SLC38A1: variants seen among roughly 807,000 people sequenced by gnomAD.
SLC38A1 encodes the protein sodium-coupled neutral amino acid symporter 1.
Under a neutral mutation model 60.3 loss-of-function variants are expected in SLC38A1, and 18 were observed. The ratio of observed to expected loss-of-function variants is 0.30; its 90% CI spans 0.21 to 0.44. SLC38A1 has a LOEUF of 0.44. SLC38A1 is among the 20% of genes least tolerant of loss of function. The probability of loss-of-function intolerance (pLI) is 1.00; values close to 1 mark genes in which losing one functional copy is unlikely to be tolerated. For missense variants in SLC38A1, 448 were observed against 587.2 expected (o/e 0.76, Z 2.45); for synonymous variants, 196 against 212.1 (o/e 0.92, Z 0.66).
intron 1 of SLC38A1, among the ~76,000 whole-genome samples, chr12:46,254,460 T>C (rs1292266607): frequency 6.6e-6 from 1 of 152,258 alleles, no homozygotes. Context: ...AGAATAATTA[T>C]TTTTCACATA....
At chr12:46,248,200 G>A (rs1314922757) in intron 1 of SLC38A1, among the ~76,000 whole-genome samples, 1 of 152,150 alleles carries the variant, frequency 6.6e-6, no homozygotes. Flanking sequence ...AACCTTACAT[G>A]TAAATGGGCT....
At position 46,217,789 on chromosome 12, in the gene SLC38A1, T is replaced by C. The variant is rs189235155; in HGVS notation, c.315-8662A>G. 2.4e-4 allele frequency among the ~76,000 whole-genome samples: 36 copies of C among 152,256 alleles called. No homozygotes were observed. The East Asian group carries it at 6.0e-3, about 25-fold the overall frequency. On this transcript the variant is annotated intron_variant, in intron 5 of 16. Coordinates refer to ENST00000398637, the MANE Select transcript of SLC38A1 (RefSeq NM_030674.4). Reference sequence around the variant, plus strand: ...GTGATCATGTATAATGCTTACAAATTAGATTAGGGAATTAAACGGGTGGTT... The same window carrying C: ...GTGATCATGTATAATGCTTACAAATCAGATTAGGGAATTAAACGGGTGGTT...
intron 5 of SLC38A1, among the ~76,000 whole-genome samples, chr12:46,218,815 A>AAGT (rs201161808): frequency 0.011 from 1,720 of 152,102 alleles, 32 homozygotes; most frequent in African/African-American, 0.039. Flanking sequence ...ATGATTGGTT[A>AAGT]AGTTGGATAT....
intron 3 of SLC38A1, among the ~76,000 whole-genome samples, chr12:46,231,485 T>C (rs975123218): frequency 2.0e-5 from 3 of 152,196 alleles, no homozygotes; most frequent in Non-Finnish European, 4.4e-5. Flanking sequence ...GCTGCATATA[T>C]TAGTAAGATA....
chr12:46,259,093 T>TA (rs1208209599), intron 1 of SLC38A1, among the ~76,000 whole-genome samples: 11 of 152,224 alleles, frequency 7.2e-5, no homozygotes, highest in Admixed American at 2.6e-4. Flanking sequence ...TATATTAATT[T>TA]TCTTGACTCT....
intron 1 of SLC38A1, among the ~76,000 whole-genome samples, chr12:46,258,175 G>A (rs1326944206): frequency 6.6e-6 from 1 of 152,120 alleles, no homozygotes; most frequent in East Asian, 1.9e-4. Context: ...CTTCTTTACT[G>A]CAACCTGTTT....
At chr12:46,226,658 T>G (rs1940877512) in intron 5 of SLC38A1, among the ~76,000 whole-genome samples, 1 of 140,150 alleles carries the variant, frequency 7.1e-6, no homozygotes, top group African/African-American at 2.6e-5. Flanking sequence ...GGAATCTTGC[T>G]CTGTCCCCCA....
Position 46,204,314 on chromosome 12 carries a change from G to A in SLC38A1, c.809C>T (p.Thr270Ile), listed in dbSNP as rs1213923770. The part of the protein sequence containing the change: ...NADTCTPKYV[T>I]FNSKTVYALP... The stretch of plus-strand genomic sequence containing the variant: ...CAGGAAACTTACCTTTGAATTGAAG[G>A]TAACATATTTTGGCGTACACGTGTC... The change falls in exon 11 of 17, where the codon ACC (threonine) becomes ATC (isoleucine). Residue 270 changes from threonine to isoleucine, a missense_variant. Thr to Ile is a moderately conservative substitution (Grantham distance 89, BLOSUM62 -1). This residue lies in a region of SLC38A1 where 346 missense variants were observed against 497.5 expected (regional missense o/e 0.70). Transcript: ENST00000398637. 1 of 1,604,038 alleles carries A rather than the reference G, an allele frequency of 6.2e-7. No homozygotes were observed. Among genetic ancestry groups the A allele is most frequent in the Admixed American group, 1.7e-5 (1 of 59,990 alleles).
intron 3 of SLC38A1, 33 bp downstream of exon 3, chr12:46,239,646 A>G: frequency 1.9e-6 from 3 of 1,610,798 alleles, no homozygotes; most frequent in Non-Finnish European, 2.5e-6. Flanking sequence ...CATTTCTTTC[A>G]CTGGATAGAA....
At chr12:46,217,719 A>C (rs1940476804) in intron 5 of SLC38A1, among the ~76,000 whole-genome samples, 1 of 152,324 alleles carries the variant, frequency 6.6e-6, no homozygotes, top group South Asian at 2.1e-4. Context: ...TCAAATTTCA[A>C]AATTCTGAGG....
At chr12:46,197,159 T>C (rs980255143) in intron 16 of SLC38A1, among the ~76,000 whole-genome samples, 2 of 152,226 alleles carry the variant, frequency 1.3e-5, no homozygotes, top group Non-Finnish European at 2.9e-5. Flanking sequence ...TGACTGGCCA[T>C]GCCCTGGATC....
chr12:46,235,280 G>T lies in SLC38A1; in HGVS notation c.122+4399C>A, dbSNP rs545953890. Reference sequence around the variant, plus strand: ...AAGATAATCTTCCTATTTTAATCAGGTTCTTACTAGATTATACTGTTTCCT... The same window carrying T: ...AAGATAATCTTCCTATTTTAATCAGTTTCTTACTAGATTATACTGTTTCCT... On this transcript the variant is annotated intron_variant, in intron 3 of 16. Transcript: ENST00000398637. 2.6e-5 allele frequency among the ~76,000 whole-genome samples: 4 copies of T among 152,216 alleles called. No individual in the cohort carries two copies. The South Asian group carries it at 6.2e-4, about 24-fold the overall frequency.
chr12:46,205,339 G>A (rs1939846728), intron 9 of SLC38A1, among the ~76,000 whole-genome samples: 2 of 152,060 alleles, frequency 1.3e-5, no homozygotes, highest in South Asian at 4.1e-4. Context: ...CTACAGAGCT[G>A]TTTTGTTTTG....
chr12:46,214,826 A>G (rs1321189331), intron 5 of SLC38A1, among the ~76,000 whole-genome samples: 1 of 152,214 alleles, frequency 6.6e-6, no homozygotes, highest in Non-Finnish European at 1.5e-5. Context: ...GGGTGGAGGT[A>G]AAGCAGCCGT....
At chr12:46,199,306 TTTGTGTG>T (rs1592070417) in intron 13 of SLC38A1, among the ~76,000 whole-genome samples, 2 of 110,956 alleles carry the variant, frequency 1.8e-5, no homozygotes, top group East Asian at 5.2e-4. Context: ...TATGTACTAC[TTTGTGTG>T]TGTGTGTGTG....
intron 5 of SLC38A1, among the ~76,000 whole-genome samples, chr12:46,222,795 A>G (rs1427105635): frequency 6.6e-6 from 1 of 152,180 alleles, no homozygotes; most frequent in Non-Finnish European, 1.5e-5. Context: ...CCACATGACA[A>G]ATATGAAGCC....
At chr12:46,252,570 A>C (rs1254307052) in intron 1 of SLC38A1, among the ~76,000 whole-genome samples, 1 of 151,890 alleles carries the variant, frequency 6.6e-6, no homozygotes, top group Non-Finnish European at 1.5e-5. Flanking sequence ...TAATTACATG[A>C]ATGAATTAAT....
intron 16 of SLC38A1, among the ~76,000 whole-genome samples, chr12:46,190,747 T>A (rs1253244834): frequency 6.6e-6 from 1 of 152,230 alleles, no homozygotes; most frequent in Non-Finnish European, 1.5e-5. Flanking sequence ...TTGAGAAGTG[T>A]CTGTTCATAT....
In SLC38A1 at chr12:46,207,572, C is replaced by T; in HGVS notation, c.438G>A (p.Gly146=). ...AGGTGGCTCCAAAGATTACGAACTT[C>T]CCTGTGGTGCCAAAGACTTGTTCCC... ...KLGEQVFGTT[G]KFVIFGATSL... The change falls in exon 7 of 17, where the codon GGG becomes GGA. Residue 146 remains glycine, a synonymous_variant. Coordinates refer to ENST00000398637, the MANE Select transcript of SLC38A1 (RefSeq NM_030674.4). 2 of 1,614,024 alleles carry T rather than the reference C, an allele frequency of 1.2e-6. No homozygotes were observed. The highest frequency in any genetic ancestry group is 1.1e-5 in the South Asian group (1 of 91,084).
Sources: gnomAD v4.1 joint callset for allele counts (sites outside exome capture counted in the v4.1 genomes callset) on GRCh38, gnomAD v4.1.1 for gene constraint, gnomAD v4.1.1 regional missense constraint, MANE v1.5 for transcripts, NCBI Gene and HGNC (gene_info 2026-07-23, HGNC 2026-07-21) for gene names.